GAREM1: variants seen among roughly 807,000 people sequenced by gnomAD.
GAREM1 encodes the protein GRB2-associated and regulator of MAPK protein 1.
GAREM1 carries 26 observed loss-of-function variants against 71.3 expected under a neutral mutation model. That is an observed-to-expected ratio of 0.36 (90% CI 0.27 to 0.51). The LOEUF (loss-of-function observed/expected upper bound fraction) is 0.51, where lower values mean the gene tolerates loss of function less well. GAREM1 is among the 20% of genes least tolerant of loss of function. The probability of loss-of-function intolerance (pLI) is 0.95; values close to 1 mark genes in which losing one functional copy is unlikely to be tolerated. For synonymous variants in GAREM1, 440 were observed against 433.2 expected, an observed-to-expected ratio of 1.02 and a Z score of -0.20; for missense variants, 1,026 against 1,103.1, an observed-to-expected ratio of 0.93 and a Z score of 0.99.
chr18:32,334,083 A>T (rs999126526), intron 2 of GAREM1, among the ~76,000 whole-genome samples: 5 of 152,210 alleles, frequency 3.3e-5, no homozygotes, highest in Non-Finnish European at 5.9e-5. Flanking sequence ...AGTCGGAAAG[A>T]AGCTGGTGTC....
chr18:32,293,134 T>C (rs757509744), intron 3 of GAREM1, among the ~76,000 whole-genome samples: 25 of 151,538 alleles, frequency 1.6e-4, no homozygotes, highest in Middle Eastern at 3.4e-3. Context: ...CAGACACACA[T>C]AGACACACAG....
chr18:32,404,173 T>C (rs992464460), intron 1 of GAREM1, among the ~76,000 whole-genome samples: 2 of 152,234 alleles, frequency 1.3e-5, no homozygotes, highest in Non-Finnish European at 2.9e-5. Context: ...CCTTTATGAA[T>C]TAAAGCACCC....
intron 1 of GAREM1, among the ~76,000 whole-genome samples, chr18:32,463,204 T>C (rs2048968416): frequency 1.3e-5 from 2 of 152,296 alleles, no homozygotes; most frequent in Non-Finnish European, 2.9e-5. Flanking sequence ...TGTATTAATA[T>C]AATGATTGTG....
rs149419011 is a variant in GAREM1 at position 32,356,530 on chromosome 18, T to C, written c.262+36365A>G. 2.0e-5 allele frequency among the ~76,000 whole-genome samples: 3 copies of C among 152,216 alleles called. No homozygotes were observed. In the East Asian group the frequency reaches 5.8e-4, roughly 29 times the overall value. On this transcript the variant is annotated intron_variant, in intron 2 of 5. Coordinates refer to ENST00000269209, the MANE Select transcript of GAREM1 (RefSeq NM_001242409.2). Reference sequence around the variant, plus strand: ...GCTCCTCTGTCCATTAACACCTGTTTAATGTCCTAAATACATAATAATAAC... The same window carrying C: ...GCTCCTCTGTCCATTAACACCTGTTCAATGTCCTAAATACATAATAATAAC...
chr18:32,422,965 ATT>A (rs2048534647), intron 1 of GAREM1, among the ~76,000 whole-genome samples: 2 of 152,238 alleles, frequency 1.3e-5, no homozygotes. Flanking sequence ...GGTCTCAAAC[ATT>A]ATACCATCTG....
At chr18:32,368,457 G>A (rs2047946036) in intron 2 of GAREM1, among the ~76,000 whole-genome samples, 1 of 152,068 alleles carries the variant, frequency 6.6e-6, no homozygotes, top group African/African-American at 2.4e-5. Flanking sequence ...CTACTTTCCT[G>A]GAATATCAGG....
At chr18:32,412,797 T>C in intron 1 of GAREM1, 2 of 925,138 alleles carry the variant, frequency 2.2e-6, no homozygotes, top group Non-Finnish European at 3.5e-6. Context: ...TTTTCCATAC[T>C]GTTCAAAATA....
intron 3 of GAREM1, among the ~76,000 whole-genome samples, chr18:32,308,389 G>A (rs1178485118): frequency 1.3e-5 from 2 of 149,930 alleles, no homozygotes; most frequent in Non-Finnish European, 3.0e-5. Flanking sequence ...AGCAATATGT[G>A]GCAAAAGATG....
chr18:32,346,892 A>T (rs2047702291), intron 2 of GAREM1, among the ~76,000 whole-genome samples: 1 of 152,312 alleles, frequency 6.6e-6, no homozygotes, highest in Non-Finnish European at 1.5e-5. Context: ...TACAAAAGGG[A>T]AAGAGGCCGG....
At chr18:32,273,233 A>C (rs1225972928) in intron 4 of GAREM1, among the ~76,000 whole-genome samples, 2 of 152,220 alleles carry the variant, frequency 1.3e-5, no homozygotes, top group Non-Finnish European at 2.9e-5. Flanking sequence ...TCAATTTAGC[A>C]CTTTCAAAAT....
chr18:32,326,134 G>A lies in GAREM1; in HGVS notation c.263-15811C>T, dbSNP rs545480925. On this transcript the variant is annotated intron_variant, in intron 2 of 5. Transcript: ENST00000269209. ...CATACATAAAAAGATGGCACAATCA[G>A]TAGTTTGGTAGATAGGAAGAAGAGA... is the stretch of plus-strand genomic sequence containing the variant. Among the ~76,000 whole-genome samples, 8 of 152,326 alleles carry A rather than the reference G, an allele frequency of 5.3e-5. No individual in the cohort carries two copies. The East Asian group carries it at 1.4e-3, about 26-fold the overall frequency.
chr18:32,450,927 G>A (rs2048831380), intron 1 of GAREM1, among the ~76,000 whole-genome samples: 1 of 151,952 alleles, frequency 6.6e-6, no homozygotes, highest in African/African-American at 2.4e-5. Flanking sequence ...AGGCAGAACT[G>A]CTTGAGCCCA....
At chr18:32,410,841 C>A (rs1187150074) in intron 1 of GAREM1, among the ~76,000 whole-genome samples, 1 of 152,160 alleles carries the variant, frequency 6.6e-6, no homozygotes, top group East Asian at 1.9e-4. Flanking sequence ...CTCACTCCAT[C>A]ACCTAGGCTG....
At chr18:32,310,494 A>C (rs774686771) in intron 2 of GAREM1, among the ~76,000 whole-genome samples, 171 bp from the exon 3 acceptor site, 6 of 152,212 alleles carry the variant, frequency 3.9e-5, no homozygotes, top group Non-Finnish European at 5.9e-5. Flanking sequence ...TAGAAGATAG[A>C]TAGATTTTAA....
At chr18:32,325,232 C>T (rs2047463725) in intron 2 of GAREM1, among the ~76,000 whole-genome samples, 1 of 152,180 alleles carries the variant, frequency 6.6e-6, no homozygotes, top group Non-Finnish European at 1.5e-5. Flanking sequence ...GCTGGGATTA[C>T]AGGTGTGGCA....
intron 2 of GAREM1, among the ~76,000 whole-genome samples, chr18:32,334,095 CGAGA>C (rs375430555): frequency 2.2e-4 from 33 of 152,100 alleles, no homozygotes; most frequent in African/African-American, 6.7e-4. Flanking sequence ...GCTGGTGTCC[CGAGA>C]GAGAGAAAGA....
chr18:32,347,286 G>C lies in GAREM1; in HGVS notation c.263-36963C>G, dbSNP rs539949472. On this transcript the variant is annotated intron_variant, in intron 2 of 5. Transcript: ENST00000269209. ...AGCCTGAAGTGAAAGGATCACTTGA[G>C]CCAGGAGTTCGAGACCAGCCTGGGC... Among the ~76,000 whole-genome samples the C allele has an allele frequency of 5.9e-5, 9 of 152,232 alleles. No individual in the cohort carries two copies. In the East Asian group the frequency reaches 9.6e-4, roughly 16 times the overall value.
At chr18:32,357,052 A>G (rs1048752315) in intron 2 of GAREM1, among the ~76,000 whole-genome samples, 2 of 152,184 alleles carry the variant, frequency 1.3e-5, no homozygotes, top group African/African-American at 4.8e-5. Context: ...AGGGACACAG[A>G]GGCTCTCTGG....
At chr18:32,422,791 T>A (rs2048532168) in intron 1 of GAREM1, among the ~76,000 whole-genome samples, 1 of 152,216 alleles carries the variant, frequency 6.6e-6, no homozygotes, top group African/African-American at 2.4e-5. Context: ...GCAACAACTT[T>A]GAGTGGAACA....
Sources: allele counts gnomAD v4.1 joint callset (sites outside exome capture counted in the v4.1 genomes callset), GRCh38; gene constraint gnomAD v4.1.1; transcripts MANE v1.5; gene names NCBI Gene and HGNC (gene_info 2026-07-23, HGNC 2026-07-21).